The following PPARGC1B variants were observed in gnomAD, a reference collection of about 807,000 sequenced individuals.
PPARGC1B encodes peroxisome proliferator-activated receptor gamma coactivator 1-beta.
Under a neutral mutation model 101.6 loss-of-function variants are expected in PPARGC1B, and 34 were observed. The observed-to-expected ratio is 0.33, with a 90% CI of 0.25 to 0.45. The LOEUF is 0.45. Among genes scored for constraint, PPARGC1B ranks in the 20% least tolerant of loss-of-function variants. The pLI is 1.00. For missense variants in PPARGC1B, 1,234 were observed against 1,317.6 expected (o/e 0.94, Z 0.98); for synonymous variants, 548 against 539.3 (o/e 1.02, Z -0.22).
intron 2 of PPARGC1B, among the ~76,000 whole-genome samples, chr5:149,822,965 A>G (rs1053347406): frequency 2.0e-5 from 3 of 152,212 alleles, no homozygotes; most frequent in African/African-American, 7.2e-5. Context: ...TGTGTTAACA[A>G]TTAAATGGCA....
rs535160179 is a variant in PPARGC1B at position 149,833,049 on chromosome 5, C to T, written c.976C>T (p.Arg326Trp). The T allele has an allele frequency of 1.3e-5, 21 of 1,613,852 alleles. No homozygotes were observed. Among genetic ancestry groups the T allele is most frequent in the East Asian group, 6.7e-5 (3 of 44,876 alleles). The change falls in exon 5 of 12, where the codon CGG becomes TGG. Residue 326 changes from arginine (R) to tryptophan (W), a missense_variant. Physicochemically the swap from Arg to Trp is moderately radical, Grantham distance 101 (BLOSUM62 -3). Transcript: ENST00000309241. The surrounding 1 kb of genome is among the most constrained non-coding windows in gnomAD (Gnocchi z 4.1). Reference protein sequence around the residue: ...CSNPSQQVRSRPWSRHHSKAS... With the variant: ...CSNPSQQVRSWPWSRHHSKAS... The stretch of plus-strand genomic sequence containing the variant: ...CAACCCCTCCCAGCAGGTCAGATCC[C>T]GGCCCTGGTCCCGGCACCACTCCAA...
chr5:149,767,941 T>C (rs996375239), intron 1 of PPARGC1B, among the ~76,000 whole-genome samples: 1 of 152,082 alleles, frequency 6.6e-6, no homozygotes, highest in African/African-American at 2.4e-5. Context: ...TGTAATGAAA[T>C]AATTATCAAC....
intron 1 of PPARGC1B, among the ~76,000 whole-genome samples, chr5:149,757,208 GA>G (rs988575099): frequency 1.2e-4 from 19 of 152,200 alleles, no homozygotes; most frequent in African/African-American, 4.3e-4. Flanking sequence ...ACCTTCTGGG[GA>G]AAAGTATTCC....
At chr5:149,856,453 C>T (rs1187037054), downstream of PPARGC1B, among the ~76,000 whole-genome samples, 2 of 152,160 alleles carry the variant, frequency 1.3e-5, no homozygotes, top group Non-Finnish European at 2.9e-5. Context: ...CCGTTCACTG[C>T]AGGGCACTGG....
chr5:149,821,425 G>T (rs1205724848), intron 2 of PPARGC1B, among the ~76,000 whole-genome samples: 4 of 152,202 alleles, frequency 2.6e-5, no homozygotes, highest in Non-Finnish European at 5.9e-5. Flanking sequence ...GCATGGATTT[G>T]CATGTGTGGG....
At chr5:149,817,635 G>A in intron 1 of PPARGC1B, 2 of 433,722 alleles carry the variant, frequency 4.6e-6, no homozygotes, top group South Asian at 3.2e-5. Context: ...GGAGGAAGGA[G>A]CTGAGTCTTA....
chr5:149,751,003 T>TTTGTA lies in PPARGC1B; in HGVS notation c.78+20585_78+20586insGTATT, dbSNP rs140604592. ...ATTATGAAATTCAAAACTTAAATGT[T>TTTGTA]TTACTATAACACAGACAGTTGTTTA... On this transcript the variant is annotated intron_variant, in intron 1 of 11. Coordinates refer to ENST00000309241, the MANE Select transcript of PPARGC1B (RefSeq NM_133263.4). Among the ~76,000 whole-genome samples, 10 of 151,724 alleles carry TTTGTA rather than the reference T, an allele frequency of 6.6e-5. No individual in the cohort carries two copies. In the East Asian group the frequency reaches 1.4e-3, roughly 21 times the overall value.
intron 10 of PPARGC1B, among the ~76,000 whole-genome samples, chr5:149,844,225 T>A (rs912291355): frequency 6.6e-6 from 1 of 152,112 alleles, no homozygotes. Flanking sequence ...AGCTATCAAA[T>A]GAAGATAGCA....
intron 1 of PPARGC1B, among the ~76,000 whole-genome samples, chr5:149,764,338 G>A (rs190173061): frequency 1.0e-3 from 155 of 152,310 alleles, no homozygotes; most frequent in African/African-American, 3.5e-3. Flanking sequence ...TCAGCCCGGC[G>A]AGCAGTGGCC....
At chr5:149,755,413 C>G (rs1755480944) in intron 1 of PPARGC1B, among the ~76,000 whole-genome samples, 1 of 151,800 alleles carries the variant, frequency 6.6e-6, no homozygotes, top group Non-Finnish European at 1.5e-5. Flanking sequence ...AGTGCCAACT[C>G]TTTCATGGGT....
chr5:149,818,961 A>C, intron 1 of PPARGC1B: 1 of 444,296 alleles, frequency 2.3e-6, no homozygotes, highest in South Asian at 1.6e-5. Context: ...GGCCAACAGA[A>C]CATCACCAAG....
At chr5:149,784,788 C>T (rs1193375238) in intron 1 of PPARGC1B, among the ~76,000 whole-genome samples, 2 of 151,884 alleles carry the variant, frequency 1.3e-5, no homozygotes, top group South Asian at 2.1e-4. Context: ...AGGATGGTCT[C>T]GATCTCCTGA....
At chr5:149,753,105 A>T (rs919288273) in intron 1 of PPARGC1B, among the ~76,000 whole-genome samples, 3 of 152,204 alleles carry the variant, frequency 2.0e-5, no homozygotes, top group African/African-American at 7.2e-5. Flanking sequence ...TCTACTTAGT[A>T]TTTCTTAAAG....
At chr5:149,781,547 C>T (rs529385240) in intron 1 of PPARGC1B, among the ~76,000 whole-genome samples, 5 of 152,310 alleles carry the variant, frequency 3.3e-5, no homozygotes, top group East Asian at 1.9e-4. Context: ...CACTGAAGCA[C>T]GCAAGGGATG....
chr5:149,842,430 C>T (rs1358266693), intron 10 of PPARGC1B, 53 bp downstream of exon 10: 2 of 1,587,824 alleles, frequency 1.3e-6, no homozygotes, highest in African/African-American at 2.7e-5. Flanking sequence ...GGCACTGGTC[C>T]TGATCCAGAA....
chr5:149,847,608 T>C lies in PPARGC1B; in HGVS notation c.*50T>C. ...ACCTCAATACCTCAGACAAGGCCCT[T>C]CCAATATGTTTACGTTTTCAAAGAA... On this transcript the variant is annotated 3_prime_UTR_variant, in exon 12 of 12. Transcript: ENST00000309241. 7.3e-7 allele frequency: 1 copy of C among 1,373,278 alleles called. No homozygotes were observed. The highest frequency in any genetic ancestry group is 1.0e-6 in the Non-Finnish European group (1 of 966,138). 85.1% of individuals were successfully genotyped at this position (1,373,278 alleles called of 1,614,324 possible). A position where few individuals can be genotyped will look rare whatever the true frequency, so the allele number is the denominator to read the frequency against.
In PPARGC1B at chr5:149,830,362, A is replaced by G. The variant is rs1297430870; in HGVS notation, c.466-405A>G. ...GGGAAATCAGCTAGAATCCCATACC[A>G]GAGAATCATTTTGGTACCTAACCTT... On this transcript the variant is annotated intron_variant, in intron 3 of 11. Coordinates refer to ENST00000309241, the MANE Select transcript of PPARGC1B (RefSeq NM_133263.4). 2.6e-5 allele frequency among the ~76,000 whole-genome samples: 4 copies of G among 152,120 alleles called. No individual in the cohort carries two copies. In the East Asian group the frequency reaches 5.8e-4, roughly 22 times the overall value.
rs200905473 is a variant in PPARGC1B at position 149,833,620 on chromosome 5, A to G, written c.1547A>G (p.Tyr516Cys). ...TCACTGTGCCTGGCTCCCAAGGCCT[A>G]CGACGTAGAGCGGGAGCTGGGCAGC... is the stretch of plus-strand genomic sequence containing the variant. ...LPSLCLAPKA[Y>C]DVERELGSPT... The change falls in exon 5 of 12, where the codon TAC (tyrosine) becomes TGC (cysteine). Residue 516 changes from tyrosine to cysteine, a missense_variant. This residue lies in a region of PPARGC1B where 734 missense variants were observed against 768.4 expected (regional missense o/e 0.96). Transcript: ENST00000309241. The surrounding 1 kb of genome is among the most constrained non-coding windows in gnomAD (Gnocchi z 4.1). 3 of 1,609,180 alleles carry G rather than the reference A, an allele frequency of 1.9e-6. No individual in the cohort carries two copies. Among genetic ancestry groups the G allele is most frequent in the Non-Finnish European group, 2.5e-6 (3 of 1,178,120 alleles).
chr5:149,785,668 G>A (rs1045369556), intron 1 of PPARGC1B, among the ~76,000 whole-genome samples: 1 of 152,224 alleles, frequency 6.6e-6, no homozygotes, highest in Non-Finnish European at 1.5e-5. Context: ...CAAAGACAAA[G>A]ACCCTCTGTT....
Sources: allele counts gnomAD v4.1 joint callset (sites outside exome capture counted in the v4.1 genomes callset), GRCh38; gene constraint gnomAD v4.1.1; regional missense constraint gnomAD v4.1.1; non-coding constraint Gnocchi (gnomAD v3.1); transcripts MANE v1.5; gene names NCBI Gene and HGNC (gene_info 2026-07-23, HGNC 2026-07-21).